PLEKHD1: variants seen among roughly 807,000 people sequenced by gnomAD.
The protein encoded by PLEKHD1 is pleckstrin homology domain-containing family D member 1.
Under a neutral mutation model 69.2 loss-of-function variants are expected in PLEKHD1, and 51 were observed. That is an observed-to-expected ratio of 0.74 (90% CI 0.59 to 0.93). The LOEUF (loss-of-function observed/expected upper bound fraction) is 0.93, where lower values mean the gene tolerates loss of function less well. Ranked by LOEUF, PLEKHD1 falls within the 40% of genes least tolerant of loss-of-function variation. PLEKHD1 has a pLI of 0.00. For missense variants in PLEKHD1, 584 were observed against 641.0 expected (o/e 0.91, Z 0.96); for synonymous variants, 236 against 244.7 (o/e 0.96, Z 0.33).
chr14:69,494,524 C>A (rs1025056167), intron 1 of PLEKHD1, among the ~76,000 whole-genome samples: 1 of 152,238 alleles, frequency 6.6e-6, no homozygotes, highest in Non-Finnish European at 1.5e-5. Context: ...TCAGTTTCCT[C>A]ATCTGTGAAA....
At chr14:69,482,543 T>G (rs2139485554), upstream of PLEKHD1, among the ~76,000 whole-genome samples, 1 of 152,298 alleles carries the variant, frequency 6.6e-6, no homozygotes, top group South Asian at 2.1e-4. Context: ...TGTGCACTAC[T>G]AGGAGCCCAC....
intron 6 of PLEKHD1, among the ~76,000 whole-genome samples, chr14:69,505,191 T>C (rs1287823008): frequency 2.0e-5 from 3 of 152,150 alleles, no homozygotes; most frequent in African/African-American, 7.2e-5. Flanking sequence ...GCCCAGCTGG[T>C]ACCCACCATG....
intron 7 of PLEKHD1, among the ~76,000 whole-genome samples, chr14:69,523,031 C>G (rs1883556693): frequency 6.6e-6 from 1 of 152,122 alleles, no homozygotes; most frequent in Non-Finnish European, 1.5e-5. Flanking sequence ...CTCCTGGGTT[C>G]AAGTGATTCT....
the PLEKHD1 span, among the ~76,000 whole-genome samples, chr14:69,474,522 A>G: frequency 6.6e-6 from 1 of 152,194 alleles, no homozygotes; most frequent in Non-Finnish European, 1.5e-5. Context: ...TGAGATGTCC[A>G]CCTTTTTAGG....
At chr14:69,521,287 G>A (rs1455517133) in intron 6 of PLEKHD1, among the ~76,000 whole-genome samples, 1 of 152,208 alleles carries the variant, frequency 6.6e-6, no homozygotes, top group African/African-American at 2.4e-5. Flanking sequence ...AACTCTTTGG[G>A]TAAGTAGTTT....
intron 7 of PLEKHD1, among the ~76,000 whole-genome samples, chr14:69,522,874 CTCTA>C (rs1265521471): frequency 1.3e-5 from 2 of 152,016 alleles, no homozygotes; most frequent in South Asian, 2.1e-4. Context: ...AGAAATCTCT[CTCTA>C]TATATATACA....
upstream of PLEKHD1, among the ~76,000 whole-genome samples, chr14:69,483,326 C>A (rs904146635): frequency 6.6e-6 from 1 of 151,538 alleles, no homozygotes; most frequent in Non-Finnish European, 1.5e-5. Context: ...ATCTAGTGGG[C>A]GTCACACATC....
intron 5 of PLEKHD1, 162 bp downstream of exon 5, chr14:69,501,987 C>T (rs1270080934): frequency 3.4e-6 from 2 of 582,216 alleles, no homozygotes; most frequent in Non-Finnish European, 6.1e-6. Context: ...GTACACTACG[C>T]ATCCTTTTGG....
upstream of PLEKHD1, among the ~76,000 whole-genome samples, chr14:69,481,433 G>T (rs943107746): frequency 6.6e-6 from 1 of 152,220 alleles, no homozygotes; most frequent in Non-Finnish European, 1.5e-5. Flanking sequence ...TGAGCCCTAG[G>T]TGAGTTGGCA....
At chr14:69,503,081 A>G in intron 6 of PLEKHD1, 1 of 581,574 alleles carries the variant, frequency 1.7e-6, no homozygotes, top group East Asian at 3.0e-5. Flanking sequence ...CTCCTTACCA[A>G]CCCCTGGGAG....
At chr14:69,503,496 G>T (rs1194164713) in intron 6 of PLEKHD1, 1 of 153,388 alleles carries the variant, frequency 6.5e-6, no homozygotes, top group Admixed American at 6.5e-5. Context: ...TTCAAGACCA[G>T]CCTGGCCAAC....
the PLEKHD1 span, among the ~76,000 whole-genome samples, chr14:69,470,086 C>T: frequency 5.3e-5 from 8 of 152,212 alleles, no homozygotes; most frequent in Admixed American, 2.0e-4. Context: ...TACAGTTTTT[C>T]ATTTGATCCT....
intron 6 of PLEKHD1, among the ~76,000 whole-genome samples, chr14:69,516,628 G>C (rs1356315977): frequency 6.6e-6 from 1 of 152,128 alleles, no homozygotes; most frequent in Non-Finnish European, 1.5e-5. Flanking sequence ...AGCAATGAAG[G>C]TTTTGAGCAG....
At chr14:69,497,970 T>G (rs1263396260) in intron 1 of PLEKHD1, among the ~76,000 whole-genome samples, 1 of 152,158 alleles carries the variant, frequency 6.6e-6, no homozygotes, top group Non-Finnish European at 1.5e-5. Flanking sequence ...GAGGGTCACT[T>G]GAGGCCAAGA....
chr14:69,528,306 C>A lies in PLEKHD1; in HGVS notation c.1408C>A (p.Leu470Ile). The A allele has an allele frequency of 1.9e-6, 3 of 1,551,710 alleles. No homozygotes were observed. Among genetic ancestry groups the A allele is most frequent in the Non-Finnish European group, 2.6e-6 (3 of 1,146,992 alleles). ...GCTGGATGCCAACAACATGGAGGAGCTAAAGGAGGTGGCCAAGCGGCTCAG... is the reference window on the plus strand; with the variant it reads ...GCTGGATGCCAACAACATGGAGGAGATAAAGGAGGTGGCCAAGCGGCTCAG... ...SQLDANNMEE[L>I]KEVAKRLSRD... The change falls in exon 13 of 13, where the codon CTA (leucine) becomes ATA (isoleucine). Residue 470 changes from leucine to isoleucine, a missense_variant. Coordinates refer to ENST00000322564, the MANE Select transcript of PLEKHD1 (RefSeq NM_001161498.2).
At chr14:69,469,500 CTT>C in the PLEKHD1 span, among the ~76,000 whole-genome samples, 90 of 152,102 alleles carry the variant, frequency 5.9e-4, no homozygotes, top group South Asian at 0.019. Flanking sequence ...GCCTAGAACT[CTT>C]GGGCTCCAGT....
the PLEKHD1 span, among the ~76,000 whole-genome samples, chr14:69,477,914 C>A: frequency 6.6e-6 from 1 of 152,164 alleles, no homozygotes; most frequent in Non-Finnish European, 1.5e-5. Flanking sequence ...TGGGGTCTGA[C>A]CCTCTTCTCA....
intron 4 of PLEKHD1, 174 bp downstream of exon 4, chr14:69,501,121 T>C (rs1367588586): frequency 1.2e-5 from 8 of 654,958 alleles, no homozygotes; most frequent in Non-Finnish European, 1.1e-5. Context: ...CTGTGAGGGG[T>C]CCCCTGAGTG....
intron 6 of PLEKHD1, among the ~76,000 whole-genome samples, chr14:69,519,995 G>A (rs1007396265): frequency 6.6e-6 from 1 of 151,444 alleles, no homozygotes; most frequent in Non-Finnish European, 1.5e-5. Context: ...AACCCCCGCT[G>A]AACTCTACTA....
Sources: gnomAD v4.1 joint callset for allele counts (sites outside exome capture counted in the v4.1 genomes callset) on GRCh38, gnomAD v4.1.1 for gene constraint, MANE v1.5 for transcripts, NCBI Gene and HGNC (gene_info 2026-07-23, HGNC 2026-07-21) for gene names.